The following CPNE4 variants were observed in gnomAD, a reference collection of about 807,000 sequenced individuals.
CPNE4 encodes the protein copine 4.
In CPNE4, 25 loss-of-function variants were observed where a neutral mutation model predicts 67.9. That is an observed-to-expected ratio of 0.37 (90% CI 0.27 to 0.51). The LOEUF (loss-of-function observed/expected upper bound fraction) is 0.51, where lower values mean the gene tolerates loss of function less well. Among genes scored for constraint, CPNE4 ranks in the 20% least tolerant of loss-of-function variants. The pLI is 0.93. For missense variants in CPNE4, 464 were observed against 690.8 expected, an observed-to-expected ratio of 0.67 and a Z score of 3.68; for synonymous variants, 242 against 244.9, an observed-to-expected ratio of 0.99 and a Z score of 0.11.
In CPNE4 at chr3:131,646,177, A is replaced by T. The variant is rs897397248; in HGVS notation, c.681+23498T>A. Among the ~76,000 whole-genome samples, 7 of 152,220 alleles carry T rather than the reference A, an allele frequency of 4.6e-5. No individual in the cohort carries two copies. In the South Asian group the frequency reaches 1.5e-3, roughly 32 times the overall value. ...GAAGAGTTCTAGTTACATTTCTTTT[A>T]AAACATACAATGTACCAAGAATTAT... On this transcript the variant is annotated intron_variant, in intron 7 of 15. Coordinates refer to ENST00000429747, the MANE Select transcript of CPNE4 (RefSeq NM_130808.3).
At chr3:131,691,873 C>T (rs1469775392) in intron 5 of CPNE4, among the ~76,000 whole-genome samples, 1 of 152,076 alleles carries the variant, frequency 6.6e-6, no homozygotes, top group African/African-American at 2.4e-5. Context: ...CAAGTGTACG[C>T]TCAGAAATTC....
chr3:131,584,563 A>G (rs1360340677), intron 8 of CPNE4, among the ~76,000 whole-genome samples: 1 of 152,126 alleles, frequency 6.6e-6, no homozygotes, highest in Non-Finnish European at 1.5e-5. Flanking sequence ...CCTCTTATCT[A>G]TAGTGGTAGC....
intron 5 of CPNE4, among the ~76,000 whole-genome samples, chr3:131,686,978 T>A (rs936513946): frequency 6.6e-6 from 1 of 152,224 alleles, no homozygotes; most frequent in East Asian, 1.9e-4. Context: ...GCTATTTTTT[T>A]AAACTAGGCT....
intron 1 of CPNE4, among the ~76,000 whole-genome samples, chr3:131,945,519 C>G (rs942159755): frequency 2.0e-5 from 3 of 152,170 alleles, no homozygotes; most frequent in Admixed American, 6.5e-5. Context: ...CTTTGATGAG[C>G]AGTCTTTGTT....
At chr3:132,001,557 A>AAAAAG (rs2073438542) in intron 1 of CPNE4, among the ~76,000 whole-genome samples, 2 of 70,580 alleles carry the variant, frequency 2.8e-5, no homozygotes, top group African/African-American at 1.2e-4. Context: ...AAAAAAGAGA[A>AAAAAG]AGAAAGAAAG....
At chr3:131,771,118 G>A (rs187989579) in intron 2 of CPNE4, among the ~76,000 whole-genome samples, 5 of 152,232 alleles carry the variant, frequency 3.3e-5, no homozygotes, top group African/African-American at 9.6e-5. Flanking sequence ...TAAGAAGCAC[G>A]TCTGACTTCT....
At chr3:131,882,156 ACAC>A (rs2087696887) in intron 2 of CPNE4, among the ~76,000 whole-genome samples, 1 of 152,076 alleles carries the variant, frequency 6.6e-6, no homozygotes, top group African/African-American at 2.4e-5. Flanking sequence ...ACACACACAC[ACAC>A]ACAACCTACA....
intron 2 of CPNE4, among the ~76,000 whole-genome samples, chr3:131,842,771 A>C (rs67519020): frequency 0.11 from 16,346 of 151,168 alleles, 958 homozygotes; most frequent in East Asian, 0.21. Context: ...ATCTCTTCAC[A>C]TCTGAAGTGC....
chr3:131,780,729 G>T lies in CPNE4; in HGVS notation c.181-57104C>A, dbSNP rs143035546. Among the ~76,000 whole-genome samples the T allele has an allele frequency of 6.2e-3, 941 of 152,150 alleles. 11 individuals carry two copies. Among genetic ancestry groups the T allele is most frequent in the African/African-American group, 0.021 (866 of 41,518 alleles). On this transcript the variant is annotated intron_variant, in intron 2 of 15. Transcript: ENST00000429747. ...CTACCTATTGGGTGTTATGTTGATTGCCTGAGTGACAAAATTACCTGTACA... is the reference window on the plus strand; with the variant it reads ...CTACCTATTGGGTGTTATGTTGATTTCCTGAGTGACAAAATTACCTGTACA...
At chr3:131,965,606 C>T (rs2072319859) in intron 1 of CPNE4, among the ~76,000 whole-genome samples, 1 of 152,044 alleles carries the variant, frequency 6.6e-6, no homozygotes, top group Admixed American at 6.6e-5. Flanking sequence ...TTTAAACCAA[C>T]AAAGATCAAA....
chr3:131,573,586 G>C (rs1401870764), intron 10 of CPNE4, among the ~76,000 whole-genome samples: 1 of 152,072 alleles, frequency 6.6e-6, no homozygotes, highest in Non-Finnish European at 1.5e-5. Flanking sequence ...ATCTAAACCA[G>C]ACTGAAATCA....
intron 1 of CPNE4, among the ~76,000 whole-genome samples, chr3:131,966,911 A>T (rs2072367096): frequency 6.6e-6 from 1 of 152,204 alleles, no homozygotes; most frequent in Non-Finnish European, 1.5e-5. Context: ...AAAATCTGGC[A>T]GAGACACAAC....
In CPNE4 at chr3:131,751,072, A is replaced by AT. The variant is rs369829021; in HGVS notation, c.181-27448dup. Among the ~76,000 whole-genome samples the AT allele has an allele frequency of 4.5e-3, 680 of 151,798 alleles. 6 individuals are homozygous for AT. The highest frequency in any genetic ancestry group is 7.4e-3 in the Non-Finnish European group (499 of 67,874). Reference sequence around the variant, plus strand: ...GTCATTTTTCTTTACCTGGTTTTAGATTTTTTTCTTTGTCCTTAGTTTTCA... The same window carrying AT: ...GTCATTTTTCTTTACCTGGTTTTAGATTTTTTTTCTTTGTCCTTAGTTTTCA... On this transcript the variant is annotated intron_variant, in intron 2 of 15. Transcript: ENST00000429747.
chr3:131,874,077 A>G (rs961684585), intron 2 of CPNE4, among the ~76,000 whole-genome samples: 2 of 149,534 alleles, frequency 1.3e-5, no homozygotes, highest in African/African-American at 4.9e-5. Flanking sequence ...TTATTCCTTC[A>G]TTCAGTTGTT....
At chr3:131,983,139 A>G (rs2107639333) in intron 1 of CPNE4, among the ~76,000 whole-genome samples, 1 of 152,268 alleles carries the variant, frequency 6.6e-6, no homozygotes, top group South Asian at 2.1e-4. Context: ...AATAACCATT[A>G]CCTTGTAAAT....
intron 2 of CPNE4, among the ~76,000 whole-genome samples, chr3:131,809,345 C>T (rs1422233817): frequency 6.6e-6 from 1 of 152,064 alleles, no homozygotes; most frequent in East Asian, 1.9e-4. Context: ...TGAATTCTCC[C>T]TTAGATCCTC....
At position 131,731,598 on chromosome 3, in the gene CPNE4, C is replaced by T. The variant is rs575989557; in HGVS notation, c.181-7973G>A. The stretch of plus-strand genomic sequence containing the variant: ...GTTTTCTGATTTCTCGGTTTGTATG[C>T]CTCATTGTCTTTTGCCCCAGTCCAC... On this transcript the variant is annotated intron_variant, in intron 2 of 15. Coordinates refer to ENST00000429747, the MANE Select transcript of CPNE4 (RefSeq NM_130808.3). 3.9e-5 allele frequency among the ~76,000 whole-genome samples: 6 copies of T among 152,200 alleles called. No individual in the cohort carries two copies. In the East Asian group the frequency reaches 1.2e-3, roughly 29 times the overall value.
At chr3:131,993,977 T>C (rs994539376) in intron 1 of CPNE4, among the ~76,000 whole-genome samples, 7 of 136,392 alleles carry the variant, frequency 5.1e-5, no homozygotes, top group African/African-American at 1.7e-4. Flanking sequence ...CAAAGTTGCA[T>C]TGTAGAAAGA....
intron 2 of CPNE4, among the ~76,000 whole-genome samples, chr3:131,728,035 TG>T (rs1257671468): frequency 4.8e-5 from 7 of 145,160 alleles, no homozygotes; most frequent in African/African-American, 1.7e-4. Context: ...ATCCTTTGTA[TG>T]GGCATGTATT....
Sources: allele counts gnomAD v4.1 joint callset (sites outside exome capture counted in the v4.1 genomes callset), GRCh38; gene constraint gnomAD v4.1.1; transcripts MANE v1.5; gene names NCBI Gene and HGNC (gene_info 2026-07-23, HGNC 2026-07-21).